AFF3: variants seen among roughly 807,000 people sequenced by gnomAD.
AFF3 encodes the protein ALF transcription elongation factor 3, also known as AF4/FMR2 family member 3.
In AFF3, 32 loss-of-function variants were observed where a neutral mutation model predicts 129.7. That is an observed-to-expected ratio of 0.25 (90% confidence interval 0.19 to 0.33). The LOEUF is 0.33. AFF3 is among the 10% of genes least tolerant of loss of function. The pLI is 1.00. For synonymous variants in AFF3, 644 were observed against 635.4 expected, an observed-to-expected ratio of 1.01 and a Z score of -0.20; for missense variants, 1,373 against 1,592.0, an observed-to-expected ratio of 0.86 and a Z score of 2.34.
At chr2:99,830,684 G>A (rs1379397538) in intron 8 of AFF3, among the ~76,000 whole-genome samples, 1 of 152,168 alleles carries the variant, frequency 6.6e-6, no homozygotes, top group South Asian at 2.1e-4. Flanking sequence ...CAAGGAGGCC[G>A]AGATTGTGCC....
chr2:99,591,892 C>T (rs1678717670), intron 15 of AFF3, among the ~76,000 whole-genome samples: 1 of 152,138 alleles, frequency 6.6e-6, no homozygotes. Context: ...ATGGGTATGA[C>T]AATATTTGCC....
intron 15 of AFF3, among the ~76,000 whole-genome samples, chr2:99,591,280 A>T (rs1287022828): frequency 1.3e-5 from 2 of 152,012 alleles, no homozygotes; most frequent in Admixed American, 1.3e-4. Context: ...TCCGCCTCCC[A>T]GGTTCAAGTG....
At chr2:99,712,554 G>A (rs970939220) in intron 11 of AFF3, among the ~76,000 whole-genome samples, 9 of 152,170 alleles carry the variant, frequency 5.9e-5, no homozygotes, top group African/African-American at 2.2e-4. Context: ...TGTGAACAGG[G>A]GCTGACAAAA....
At position 100,007,142 on chromosome 2, in the gene AFF3, G is replaced by A. The variant is rs373664821; in HGVS notation, c.487+6C>T. 30 of 1,613,670 alleles carry A rather than the reference G, an allele frequency of 1.9e-5. No individual in the cohort carries two copies. In the South Asian group the frequency reaches 1.9e-4, roughly 10 times the overall value. The stretch of plus-strand genomic sequence containing the variant: ...TGCAAATCAAGCAACCTGTGCCTGT[G>A]CTTACTTGCTCTCTGTTGGCCGTCA... On this transcript the variant is annotated splice_donor_region_variant and intron_variant, in intron 6 of 24. Coordinates refer to ENST00000672756, the MANE Select transcript of AFF3 (RefSeq NM_001386135.1).
intron 7 of AFF3, among the ~76,000 whole-genome samples, chr2:99,838,876 T>C (rs1273109709): frequency 6.6e-6 from 1 of 152,232 alleles, no homozygotes; most frequent in Non-Finnish European, 1.5e-5. Flanking sequence ...ATGCCCTGTG[T>C]CTGCCAGCTC....
intron 7 of AFF3, among the ~76,000 whole-genome samples, chr2:99,961,947 C>T (rs1677262449): frequency 1.3e-5 from 2 of 152,314 alleles, no homozygotes; most frequent in Middle Eastern, 3.4e-3. Context: ...TCCTACCTCT[C>T]TAGGCCTCAG....
chr2:99,961,444 C>A (rs1402833169), intron 7 of AFF3, among the ~76,000 whole-genome samples: 1 of 152,178 alleles, frequency 6.6e-6, no homozygotes, highest in Non-Finnish European at 1.5e-5. Context: ...TCACATTTTG[C>A]CTTGAGACAT....
chr2:99,919,467 G>A (rs994601372), intron 7 of AFF3, among the ~76,000 whole-genome samples: 2 of 152,112 alleles, frequency 1.3e-5, no homozygotes, highest in Non-Finnish European at 1.5e-5. Flanking sequence ...GCCATTAAGA[G>A]CAGAGAAGCC....
At chr2:99,696,658 T>G (rs1046982150) in intron 11 of AFF3, among the ~76,000 whole-genome samples, 8 of 152,122 alleles carry the variant, frequency 5.3e-5, no homozygotes, top group African/African-American at 1.9e-4. Context: ...TGAAATTCTT[T>G]TTTTTTTTTC....
intron 7 of AFF3, among the ~76,000 whole-genome samples, chr2:99,947,406 G>A (rs1327870487): frequency 1.3e-5 from 2 of 151,980 alleles, no homozygotes; most frequent in Admixed American, 1.3e-4. Context: ...TCGTGCCATT[G>A]CACTCCAGCC....
At chr2:99,919,876 TA>T (rs1466530334) in intron 7 of AFF3, among the ~76,000 whole-genome samples, 1 of 151,966 alleles carries the variant, frequency 6.6e-6, no homozygotes, top group East Asian at 1.9e-4. Flanking sequence ...ATATCAAGAA[TA>T]AAACAGTGAA....
intron 7 of AFF3, among the ~76,000 whole-genome samples, chr2:99,933,748 ATGGGCATT>A (rs910767765): frequency 6.6e-4 from 100 of 152,226 alleles, no homozygotes; most frequent in African/African-American, 2.3e-3. Flanking sequence ...TCTATCATTG[ATGGGCATT>A]AGGATTGGTT....
intron 7 of AFF3, among the ~76,000 whole-genome samples, chr2:99,873,240 C>T (rs182506053): frequency 2.3e-4 from 35 of 152,288 alleles, no homozygotes; most frequent in Admixed American, 2.2e-3. Context: ...GTGAAACTGG[C>T]ATTTTTTAAA....
In AFF3 at chr2:99,611,017, G is replaced by A. The variant is rs9653440; in HGVS notation, c.1185-9396C>T. Among the ~76,000 whole-genome samples, 616 of 152,166 alleles carry A rather than the reference G, an allele frequency of 4.0e-3. 8 individuals carry two copies. The highest frequency in any genetic ancestry group is 0.014 in the African/African-American group (589 of 41,490). On this transcript the variant is annotated intron_variant, in intron 13 of 24. Transcript: ENST00000672756. ...TGTTTATTCTCTGTTGTTCCTATCAGGCAATTTCTCTTGTTCCATCTTCAA... is the reference window on the plus strand; with the variant it reads ...TGTTTATTCTCTGTTGTTCCTATCAAGCAATTTCTCTTGTTCCATCTTCAA...
chr2:99,701,374 CTG>C (rs1226294223), intron 11 of AFF3, among the ~76,000 whole-genome samples: 1 of 152,174 alleles, frequency 6.6e-6, no homozygotes, highest in Non-Finnish European at 1.5e-5. Context: ...CACTGGCACA[CTG>C]GAGGATTCTG....
intron 12 of AFF3, among the ~76,000 whole-genome samples, chr2:99,653,350 T>C (rs545880741): frequency 6.6e-6 from 1 of 152,240 alleles, no homozygotes; most frequent in East Asian, 1.9e-4. Context: ...AATAGAAACC[T>C]TCAACATGGC....
chr2:100,032,620 G>A (rs1684591975), intron 4 of AFF3, among the ~76,000 whole-genome samples: 1 of 152,134 alleles, frequency 6.6e-6, no homozygotes, highest in African/African-American at 2.4e-5. Flanking sequence ...ATGTAATGAA[G>A]ATATCTAGTA....
At chr2:99,833,357 T>G (rs1395060544) in intron 8 of AFF3, among the ~76,000 whole-genome samples, 4 of 152,154 alleles carry the variant, frequency 2.6e-5, no homozygotes, top group Admixed American at 2.6e-4. Flanking sequence ...TTTAAACAAG[T>G]ACTACTTACC....
chr2:99,779,568 T>G (rs1011578775), intron 8 of AFF3, among the ~76,000 whole-genome samples: 2 of 152,136 alleles, frequency 1.3e-5, no homozygotes, highest in Non-Finnish European at 2.9e-5. Context: ...AAGTCCAGGT[T>G]TCTTACATGC....
Sources: allele counts gnomAD v4.1 joint callset (sites outside exome capture counted in the v4.1 genomes callset), GRCh38; gene constraint gnomAD v4.1.1; transcripts MANE v1.5; gene names NCBI Gene and HGNC (gene_info 2026-07-23, HGNC 2026-07-21).